HMGA2: variants seen among roughly 807,000 people sequenced by gnomAD.
HMGA2 encodes the protein high mobility group protein HMGI-C.
In HMGA2, 8 loss-of-function variants were observed where a neutral mutation model predicts 19.1. The ratio of observed to expected loss-of-function variants is 0.42; its 90% confidence interval spans 0.25 to 0.76. The LOEUF (loss-of-function observed/expected upper bound fraction) is 0.76, where lower values mean the gene tolerates loss of function less well. HMGA2 is among the 30% of genes least tolerant of loss of function. The pLI is 0.28. For synonymous variants in HMGA2, 60 were observed against 48.8 expected, an observed-to-expected ratio of 1.23 and a Z score of -0.96; for missense variants, 109 against 136.3, an observed-to-expected ratio of 0.80 and a Z score of 1.00.
intron 3 of HMGA2, among the ~76,000 whole-genome samples, chr12:65,931,846 G>A (rs1340545997): frequency 6.6e-6 from 1 of 152,076 alleles, no homozygotes; most frequent in Non-Finnish European, 1.5e-5. Flanking sequence ...CTAGGAGTTC[G>A]AGGCTACAGG....
At chr12:65,849,021 G>A (rs1170246777) in intron 3 of HMGA2, among the ~76,000 whole-genome samples, 1 of 152,188 alleles carries the variant, frequency 6.6e-6, no homozygotes, top group Non-Finnish European at 1.5e-5. Flanking sequence ...GGAGGAACAT[G>A]GACTCATACG....
intron 3 of HMGA2, among the ~76,000 whole-genome samples, chr12:65,911,862 C>G (rs947864684): frequency 6.6e-6 from 1 of 152,142 alleles, no homozygotes; most frequent in Admixed American, 6.5e-5. Context: ...GGGTTCACCA[C>G]ATTTAACTGT....
At chr12:65,943,338 GT>G (rs1368891514) in intron 3 of HMGA2, among the ~76,000 whole-genome samples, 3 of 152,054 alleles carry the variant, frequency 2.0e-5, no homozygotes, top group Admixed American at 1.3e-4. Flanking sequence ...CATTCCAAAG[GT>G]GTCTGAAAGG....
chr12:65,961,093 GT>G (rs1876737851), intron 4 of HMGA2, among the ~76,000 whole-genome samples: 1 of 152,214 alleles, frequency 6.6e-6, no homozygotes, highest in Middle Eastern at 3.2e-3. Context: ...AATCCAGGAG[GT>G]TTGCCAGCTT....
chr12:65,863,005 C>T (rs1872191492), intron 3 of HMGA2, among the ~76,000 whole-genome samples: 1 of 152,202 alleles, frequency 6.6e-6, no homozygotes, highest in African/African-American at 2.4e-5. Flanking sequence ...CACCCATGCT[C>T]AGCTCATGGT....
rs993053339 is a variant in HMGA2, at chr12:65,825,759, GC to G, written c.111+381del. Among the ~76,000 whole-genome samples, 1 of 152,148 alleles carries G rather than the reference GC, an allele frequency of 6.6e-6. No individual in the cohort carries two copies. The highest frequency in any genetic ancestry group is 2.4e-5 in the African/African-American group (1 of 41,460). On this transcript the variant is annotated intron_variant, in intron 1 of 4. Transcript: ENST00000403681. The surrounding 1 kb of genome is among the most constrained non-coding windows in gnomAD (Gnocchi z 4.4). The stretch of plus-strand genomic sequence containing the variant: ...CGCTTTCCGAGTTGCTTTTGCAACT[GC>G]CCGGGAGGAAGGAGGTGCCGGGGAC...
chr12:65,891,560 A>T (rs1180307273), intron 3 of HMGA2, among the ~76,000 whole-genome samples: 1 of 152,214 alleles, frequency 6.6e-6, no homozygotes, highest in Non-Finnish European at 1.5e-5. Flanking sequence ...TTTCATCAAC[A>T]TGCATTGTTG....
At chr12:65,844,741 G>T (rs1260996670) in intron 3 of HMGA2, among the ~76,000 whole-genome samples, 1 of 152,194 alleles carries the variant, frequency 6.6e-6, no homozygotes, top group Non-Finnish European at 1.5e-5. Context: ...AACCATTTAG[G>T]ATTATAAAAA....
chr12:65,930,343 A>G (rs186183172), intron 3 of HMGA2, among the ~76,000 whole-genome samples: 84 of 152,234 alleles, frequency 5.5e-4, no homozygotes, highest in African/African-American at 2.0e-3. Flanking sequence ...TCCTTCAGGG[A>G]CTATTTACAA....
At chr12:65,858,398 T>A (rs528028230) in intron 3 of HMGA2, 2 of 152,204 alleles carry the variant, frequency 1.3e-5, no homozygotes, top group African/African-American at 4.8e-5. Context: ...TTCAGTGACA[T>A]CTTTGGAAAC....
intron 3 of HMGA2, among the ~76,000 whole-genome samples, chr12:65,931,157 C>G (rs188926247): frequency 3.4e-4 from 52 of 152,146 alleles, no homozygotes; most frequent in African/African-American, 1.3e-3. Context: ...GTTTTTTGTT[C>G]AGCATCAAAG....
intron 3 of HMGA2, among the ~76,000 whole-genome samples, chr12:65,866,198 G>A (rs1872402040): frequency 1.3e-5 from 2 of 152,184 alleles, no homozygotes; most frequent in Non-Finnish European, 2.9e-5. Flanking sequence ...TAGGCACTGT[G>A]CTAGATATTT....
intron 3 of HMGA2, among the ~76,000 whole-genome samples, chr12:65,848,460 T>C (rs995315509): frequency 5.9e-5 from 9 of 152,196 alleles, no homozygotes; most frequent in African/African-American, 2.2e-4. Context: ...CAGTAGGGTG[T>C]ACAACTAAAG....
In HMGA2 at chr12:65,952,470, G is replaced by T. The variant is rs1343237273; in HGVS notation, c.282+1055G>T. 3 of 1,530,394 alleles carry T rather than the reference G, an allele frequency of 2.0e-6. No homozygotes were observed. The Admixed American group carries it at 5.9e-5, about 30-fold the overall frequency. 94.8% of individuals were successfully genotyped at this position (1,530,394 alleles called of 1,614,324 possible). On this transcript the variant is annotated intron_variant, in intron 4 of 4. Coordinates refer to ENST00000403681, the MANE Select transcript of HMGA2 (RefSeq NM_003483.6). Reference sequence around the variant, plus strand: ...TTCCAAACACATGAAAGGATCCAAGGAAAGTGTCTTCAAACAATTACATAT... The same window carrying T: ...TTCCAAACACATGAAAGGATCCAAGTAAAGTGTCTTCAAACAATTACATAT...
chr12:65,830,997 C>A (rs760722259), intron 2 of HMGA2: 1 of 151,744 alleles, frequency 6.6e-6, no homozygotes, highest in Non-Finnish European at 1.5e-5. Flanking sequence ...CAAAATTTGT[C>A]CCTGAATCAG....
Position 65,825,295 on chromosome 12 carries a change from G to A in HMGA2, c.25G>A (p.Gly9Arg). The part of the protein sequence containing the change: MSARGEGA[G>R]QPSTSAQGQP... Reference sequence around the variant, plus strand: ...GATGAGCGCACGCGGTGAGGGCGCGGGGCAGCCGTCCACTTCAGCCCAGGG... The same window carrying A: ...GATGAGCGCACGCGGTGAGGGCGCGAGGCAGCCGTCCACTTCAGCCCAGGG... Residue 9 changes from glycine (G) to arginine (R), a missense_variant, in exon 1 of 5, where the codon GGG (glycine) becomes AGG (arginine). Coordinates refer to ENST00000403681, the MANE Select transcript of HMGA2 (RefSeq NM_003483.6). This position sits in a 1 kb window ranked among gnomAD's most constrained non-coding sequence, Gnocchi z 4.4. 1 of 1,534,242 alleles carries A rather than the reference G, an allele frequency of 6.5e-7. No homozygotes were observed. Among genetic ancestry groups the A allele is most frequent in the Non-Finnish European group, 8.7e-7 (1 of 1,144,488 alleles).
chr12:65,898,905 G>A (rs538145286), intron 3 of HMGA2, among the ~76,000 whole-genome samples: 4 of 152,066 alleles, frequency 2.6e-5, no homozygotes, highest in Non-Finnish European at 4.4e-5. Context: ...TTAGCCGGGC[G>A]TGGTGGCGGG....
chr12:65,874,052 T>C (rs1338011023), intron 3 of HMGA2: 1 of 152,202 alleles, frequency 6.6e-6, no homozygotes, highest in Non-Finnish European at 1.5e-5. Context: ...GCTGAATGAG[T>C]GGACAATAAA....
At chr12:65,941,109 A>G (rs1286595109) in intron 3 of HMGA2, among the ~76,000 whole-genome samples, 1 of 152,218 alleles carries the variant, frequency 6.6e-6, no homozygotes, top group Admixed American at 6.5e-5. Flanking sequence ...TGAACCCAGA[A>G]TCATCCATTT....
Sources: allele counts gnomAD v4.1 joint callset (sites outside exome capture counted in the v4.1 genomes callset), GRCh38; gene constraint gnomAD v4.1.1; non-coding constraint Gnocchi (gnomAD v3.1); transcripts MANE v1.5; gene names NCBI Gene and HGNC (gene_info 2026-07-23, HGNC 2026-07-21).